The following CRPPA variants were observed in gnomAD, a reference collection of about 807,000 sequenced individuals.
CRPPA encodes CDP-L-ribitol pyrophosphorylase A.
Under a neutral mutation model 52.0 loss-of-function variants are expected in CRPPA, and 43 were observed. The ratio of observed to expected loss-of-function variants is 0.83; its 90% confidence interval spans 0.65 to 1.07. The LOEUF (loss-of-function observed/expected upper bound fraction) is 1.07. CRPPA is among the 50% of genes least tolerant of loss of function. CRPPA has a pLI of 0.00. For missense variants in CRPPA, 629 were observed against 551.7 expected (o/e 1.14, Z -1.40); for synonymous variants, 250 against 203.5 (o/e 1.23, Z -1.94).
chr7:16,377,538 C>G (rs1439937093), intron 2 of CRPPA, among the ~76,000 whole-genome samples: 1 of 152,234 alleles, frequency 6.6e-6, no homozygotes, highest in Non-Finnish European at 1.5e-5. Flanking sequence ...ACTCCGTCCT[C>G]ATTGAAACTA....
At chr7:16,206,058 G>T (rs1010406945) in intron 9 of CRPPA, among the ~76,000 whole-genome samples, 2 of 152,066 alleles carry the variant, frequency 1.3e-5, no homozygotes, top group African/African-American at 4.8e-5. Context: ...AAGGCAACTA[G>T]AAATAAATAG....
Position 16,286,039 on chromosome 7 carries a change from ATATAAAT to A in CRPPA, c.836-7820_836-7814del, listed in dbSNP as rs1784428057. On this transcript the variant is annotated intron_variant, in intron 5 of 9. Coordinates refer to ENST00000407010, the MANE Select transcript of CRPPA (RefSeq NM_001101426.4). ...CCATCTCAAAAAAAAAAAAAAAAAA[ATATAAAT>A]ATATATATATATATATATATATATA... is the stretch of plus-strand genomic sequence containing the variant. Among the ~76,000 whole-genome samples the A allele has an allele frequency of 4.6e-4, 11 of 23,952 alleles. No homozygotes were observed. The East Asian group carries it at 7.3e-3, about 16-fold the overall frequency. 15.7% of individuals were successfully genotyped at this position (23,952 alleles called of 152,430 possible). A position where few individuals can be genotyped will look rare whatever the true frequency, so the allele number is the denominator to read the frequency against.
intron 9 of CRPPA, among the ~76,000 whole-genome samples, chr7:16,147,898 T>C (rs1482984850): frequency 6.6e-6 from 1 of 152,192 alleles, no homozygotes; most frequent in Non-Finnish European, 1.5e-5. Flanking sequence ...ATTAATACAA[T>C]GATGATTTGG....
intron 3 of CRPPA, among the ~76,000 whole-genome samples, chr7:16,336,161 T>A (rs1785673835): frequency 6.6e-6 from 1 of 152,158 alleles, no homozygotes; most frequent in Non-Finnish European, 1.5e-5. Flanking sequence ...ACAAAAACCA[T>A]GAAATTAAAA....
chr7:16,187,317 A>AG (rs900969511), intron 9 of CRPPA, among the ~76,000 whole-genome samples: 16 of 152,272 alleles, frequency 1.1e-4, no homozygotes, highest in African/African-American at 3.8e-4. Context: ...ACAAATTTCT[A>AG]GGGGATTTTC....
In CRPPA at chr7:16,406,144, C is replaced by T. The variant is rs1187535773; in HGVS notation, c.451G>A (p.Val151Ile). Reference protein sequence around the residue: ...QINSKLSKPEVVIIHDAVRPF... With the variant: ...QINSKLSKPEIVIIHDAVRPF... Reference sequence around the variant, plus strand: ...CTCACAGCATCATGGATAATCACTACTTCTGGCTTAGAGAGTTTAGAGTTG... The same window carrying T: ...CTCACAGCATCATGGATAATCACTATTTCTGGCTTAGAGAGTTTAGAGTTG... Residue 151 changes from valine (V) to isoleucine (I), a missense_variant, in exon 2 of 10, where the codon GTA (valine) becomes ATA (isoleucine). Transcript: ENST00000407010. 7 of 1,613,878 alleles carry T rather than the reference C, an allele frequency of 4.3e-6. No homozygotes were observed. The highest frequency in any genetic ancestry group is 5.1e-6 in the Non-Finnish European group (6 of 1,179,886).
At chr7:16,334,654 T>G (rs908265874) in intron 3 of CRPPA, among the ~76,000 whole-genome samples, 24 of 152,130 alleles carry the variant, frequency 1.6e-4, no homozygotes, top group African/African-American at 5.8e-4. Flanking sequence ...ATTGCAGAAC[T>G]CAGGTGACAG....
At chr7:16,297,331 T>G (rs1233906897) in intron 5 of CRPPA, among the ~76,000 whole-genome samples, 1 of 152,152 alleles carries the variant, frequency 6.6e-6, no homozygotes, top group African/African-American at 2.4e-5. Flanking sequence ...TGACAAAGAA[T>G]GCTCAAATAC....
chr7:16,342,810 T>TAG, intron 3 of CRPPA, among the ~76,000 whole-genome samples: 1 of 97,300 alleles, frequency 1.0e-5, no homozygotes, highest in African/African-American at 4.7e-5. Context: ...TATATAGATA[T>TAG]ATAGATATAC....
intron 3 of CRPPA, among the ~76,000 whole-genome samples, chr7:16,364,283 T>A (rs1038035812): frequency 6.6e-5 from 10 of 152,176 alleles, no homozygotes. Context: ...ACAAATATCT[T>A]AAAAAATAAT....
chr7:16,191,403 T>C (rs17169327), intron 9 of CRPPA, among the ~76,000 whole-genome samples: 5,900 of 152,210 alleles, frequency 0.039, 353 homozygotes, highest in East Asian at 0.29. Context: ...TATTTGAACA[T>C]AATTATTTAT....
chr7:16,278,622 A>T (rs1019498891), intron 5 of CRPPA, among the ~76,000 whole-genome samples: 3 of 152,218 alleles, frequency 2.0e-5, no homozygotes, highest in Admixed American at 6.5e-5. Flanking sequence ...GCCATAGGTT[A>T]TCTCCTGTGC....
intron 3 of CRPPA, among the ~76,000 whole-genome samples, chr7:16,332,725 G>A (rs150712077): frequency 6.6e-6 from 1 of 151,862 alleles, no homozygotes; most frequent in East Asian, 1.9e-4. Context: ...GAAAAACACT[G>A]GAAAACAAAA....
chr7:16,307,865 G>A (rs17169415), intron 4 of CRPPA, among the ~76,000 whole-genome samples: 3,122 of 146,696 alleles, frequency 0.021, 100 homozygotes, highest in African/African-American at 0.073. Flanking sequence ...GGCCTGAAAG[G>A]AAATGTTGAT....
intron 2 of CRPPA, among the ~76,000 whole-genome samples, chr7:16,389,928 A>AAAAAAAAAAAAAT: frequency 3.4e-5 from 1 of 29,760 alleles, no homozygotes; most frequent in African/African-American, 1.7e-4. Flanking sequence ...AAAAAAAAAA[A>AAAAAAAAAAAAAT]ATATATATAT....
At chr7:16,322,405 G>T (rs909734593) in intron 3 of CRPPA, among the ~76,000 whole-genome samples, 23 of 152,064 alleles carry the variant, frequency 1.5e-4, no homozygotes, top group Non-Finnish European at 5.9e-5. Context: ...AAATGAGAAG[G>T]CCTAAGAACT....
chr7:16,286,033 AAAAAAATATAAAT>A (rs1562608241), intron 5 of CRPPA, among the ~76,000 whole-genome samples: 3 of 21,968 alleles, frequency 1.4e-4, no homozygotes, highest in African/African-American at 3.1e-4. Context: ...AAAAAAAAAA[AAAAAAATATAAAT>A]ATATATATAT....
chr7:16,349,265 C>A (rs759466123), intron 3 of CRPPA, among the ~76,000 whole-genome samples: 1 of 152,120 alleles, frequency 6.6e-6, no homozygotes, highest in Non-Finnish European at 1.5e-5. Context: ...CAGCAGTCTG[C>A]ATAAACATGA....
chr7:16,411,294 C>A (rs1290175984), intron 1 of CRPPA, among the ~76,000 whole-genome samples: 1 of 152,128 alleles, frequency 6.6e-6, no homozygotes, highest in Admixed American at 6.6e-5. Context: ...TCCAGTCTGA[C>A]TCTGGGGCCT....
Sources: gnomAD v4.1 joint callset for allele counts (sites outside exome capture counted in the v4.1 genomes callset) on GRCh38, gnomAD v4.1.1 for gene constraint, MANE v1.5 for transcripts, NCBI Gene and HGNC (gene_info 2026-07-23, HGNC 2026-07-21) for gene names.